NUDC: variants seen among roughly 807,000 people sequenced by gnomAD.
NUDC encodes nuclear migration protein nudC.
A neutral mutation model predicts 45.0 loss-of-function variants in NUDC; 14 were observed. The ratio of observed to expected loss-of-function variants is 0.31; its 90% CI spans 0.21 to 0.49. The LOEUF is 0.49. Among genes scored for constraint, NUDC ranks in the 20% least tolerant of loss-of-function variants. The pLI is 0.99. For missense variants in NUDC, 323 were observed against 426.2 expected (o/e 0.76, Z 2.13); for synonymous variants, 153 against 156.7 (o/e 0.98, Z 0.17).
At chr1:26,921,685 A>C, upstream of NUDC, 2 of 691,650 alleles carry the variant, frequency 2.9e-6, no homozygotes, top group African/African-American at 1.8e-5. Flanking sequence ...GAAGGCGGGA[A>C]GAGAGGAGGT....
At chr1:26,901,440 T>A (rs1303142394) in intron 1 of NUDC, among the ~76,000 whole-genome samples, 2 of 144,606 alleles carry the variant, frequency 1.4e-5, no homozygotes, top group Non-Finnish European at 3.0e-5. Flanking sequence ...AGCCTCGCTC[T>A]GTCATCCAGG....
exon 1 of NUDC, chr1:26,900,308 G>C: frequency 6.2e-7 from 1 of 1,614,096 alleles, no homozygotes; most frequent in Non-Finnish European, 8.5e-7. Flanking sequence ...AGTGGAAACA[G>C]AGGAAGCCAC....
At chr1:26,904,026 AT>A (rs2081992097) in intron 2 of NUDC, among the ~76,000 whole-genome samples, 1 of 125,138 alleles carries the variant, frequency 8.0e-6, no homozygotes, top group Non-Finnish European at 1.7e-5. Context: ...AAATAAATAA[AT>A]AAATAAATTA....
At chr1:26,933,959 C>T (rs186323762) in intron 2 of NUDC, among the ~76,000 whole-genome samples, 1 of 152,126 alleles carries the variant, frequency 6.6e-6, no homozygotes, top group Non-Finnish European at 1.5e-5. Flanking sequence ...TCAAGAACAT[C>T]CTGGCCAACA....
chr1:26,930,083 C>T lies in NUDC; in HGVS notation c.159+5917C>T, dbSNP rs1441187430. On this transcript the variant is annotated intron_variant, in intron 2 of 8. Coordinates refer to ENST00000321265, the MANE Select transcript of NUDC (RefSeq NM_006600.4). The stretch of plus-strand genomic sequence containing the variant: ...TGTAACTGTAATGGTATACCTTCTC[C>T]AGAAAAGCATACCAATTCTTTAAAT... 4.6e-5 allele frequency among the ~76,000 whole-genome samples: 7 copies of T among 152,178 alleles called. No homozygotes were observed. The South Asian group carries it at 1.2e-3, about 27-fold the overall frequency.
At chr1:26,902,629 A>G (rs2081985186) in intron 2 of NUDC, among the ~76,000 whole-genome samples, 1 of 152,076 alleles carries the variant, frequency 6.6e-6, no homozygotes, top group Non-Finnish European at 1.5e-5. Flanking sequence ...TCACACCTGT[A>G]ATCTTAGCAC....
intron 2 of NUDC, among the ~76,000 whole-genome samples, chr1:26,933,086 C>T (rs1453919306): frequency 6.6e-6 from 1 of 152,100 alleles, no homozygotes; most frequent in Non-Finnish European, 1.5e-5. Context: ...CAGGCACACG[C>T]CACCACGCCC....
chr1:26,912,874 G>A (rs956496056), intron 3 of NUDC, among the ~76,000 whole-genome samples: 2 of 152,234 alleles, frequency 1.3e-5, no homozygotes, highest in Admixed American at 1.3e-4. Flanking sequence ...GCAAGGGCCA[G>A]TCTCTGGAGT....
intron 2 of NUDC, among the ~76,000 whole-genome samples, chr1:26,933,923 G>A (rs182841460): frequency 6.6e-6 from 1 of 152,164 alleles, no homozygotes; most frequent in Admixed American, 6.5e-5. Context: ...GGGTGGCCAA[G>A]GTGGGCAGAT....
rs1305210405 is a variant in NUDC at position 26,924,013 on chromosome 1, AAAC to A, written c.82-73_82-71del. On this transcript the variant is annotated intron_variant, in intron 1 of 8. Transcript: ENST00000321265. ...CAAGTCCCAAGTTCCCTCCTAGACAAAACAAGTTGACTTGTGTGCAGTTGAAGG... is the reference window on the plus strand; with the variant it reads ...CAAGTCCCAAGTTCCCTCCTAGACAAAAGTTGACTTGTGTGCAGTTGAAGG... The A allele has an allele frequency of 5.1e-6, 7 of 1,364,054 alleles. No individual in the cohort carries two copies. The East Asian group carries it at 1.4e-4, about 27-fold the overall frequency. 84.5% of individuals were successfully genotyped at this position (1,364,054 alleles called of 1,614,324 possible).
intron 6 of NUDC, among the ~76,000 whole-genome samples, chr1:26,943,839 G>T (rs1393927172): frequency 6.6e-6 from 1 of 152,136 alleles, no homozygotes; most frequent in Non-Finnish European, 1.5e-5. Flanking sequence ...GGGCACATAA[G>T]ACCCTGTAAC....
intron 2 of NUDC, among the ~76,000 whole-genome samples, chr1:26,903,428 C>G (rs1257930065): frequency 6.6e-6 from 1 of 151,994 alleles, no homozygotes; most frequent in African/African-American, 2.4e-5. Flanking sequence ...TTCTGTTATT[C>G]TTTATACTTT....
intron 2 of NUDC, among the ~76,000 whole-genome samples, chr1:26,928,668 G>A (rs1271342180): frequency 6.6e-6 from 1 of 152,170 alleles, no homozygotes; most frequent in Non-Finnish European, 1.5e-5. Context: ...CTACGCTGCA[G>A]TCTTGGTGAC....
At chr1:26,927,586 C>T (rs1223241611) in intron 2 of NUDC, among the ~76,000 whole-genome samples, 11 of 151,416 alleles carry the variant, frequency 7.3e-5, no homozygotes, top group Non-Finnish European at 1.2e-4. Context: ...TTAGTAGAGC[C>T]GGGGTTTCAC....
chr1:26,900,883 G>C (rs1044606929), intron 1 of NUDC, among the ~76,000 whole-genome samples: 1 of 152,166 alleles, frequency 6.6e-6, no homozygotes, highest in Non-Finnish European at 1.5e-5. Flanking sequence ...CTTCGCAAAA[G>C]AGGAAACACG....
At chr1:26,931,452 G>A (rs1264391839) in intron 2 of NUDC, among the ~76,000 whole-genome samples, 3 of 140,076 alleles carry the variant, frequency 2.1e-5, no homozygotes, top group African/African-American at 8.1e-5. Flanking sequence ...GCACCATTTC[G>A]GCTCACTGCA....
At chr1:26,911,738 A>G (rs1300686737) in intron 3 of NUDC, 1 of 1,353,676 alleles carries the variant, frequency 7.4e-7, no homozygotes, top group African/African-American at 1.4e-5. Context: ...AGTGCTGTCT[A>G]TACAGGCTTG....
upstream of NUDC, among the ~76,000 whole-genome samples, chr1:26,917,990 A>C (rs758921959): frequency 1.8e-4 from 28 of 152,156 alleles, no homozygotes; most frequent in Admixed American, 3.3e-4. Flanking sequence ...ACACACACAC[A>C]CACACACACA....
intron 2 of NUDC, among the ~76,000 whole-genome samples, chr1:26,933,987 T>C (rs1176028939): frequency 6.6e-6 from 1 of 152,092 alleles, no homozygotes; most frequent in Non-Finnish European, 1.5e-5. Context: ...ACCCCAGCTC[T>C]CCTAAAAATA....
Sources: allele counts gnomAD v4.1 joint callset (sites outside exome capture counted in the v4.1 genomes callset), GRCh38; gene constraint gnomAD v4.1.1; transcripts MANE v1.5; gene names NCBI Gene and HGNC (gene_info 2026-07-23, HGNC 2026-07-21).